The following ENKUR variants were observed in gnomAD, a reference collection of about 807,000 sequenced individuals.
The protein encoded by ENKUR is enkurin, TRPC channel interacting protein, also known as enkurin.
A neutral mutation model predicts 27.6 loss-of-function variants in ENKUR; 19 were observed. That is an observed-to-expected ratio of 0.69 (90% confidence interval 0.48 to 1.01). The LOEUF (loss-of-function observed/expected upper bound fraction) is 1.01. Ranked by LOEUF, ENKUR falls within the 50% of genes least tolerant of loss-of-function variation. ENKUR has a pLI of 0.00. For synonymous variants in ENKUR, 117 were observed against 96.9 expected (o/e 1.21, Z -1.22); for missense variants, 312 against 310.5 (o/e 1.00, Z -0.04).
At chr10:25,025,131 G>T in intron 2 of ENKUR, 1 of 1,614,118 alleles carries the variant, frequency 6.2e-7, no homozygotes. Flanking sequence ...ATACTTCAGG[G>T]TATATTTTGG....
chr10:25,023,829 C>A (rs1213309785), intron 2 of ENKUR: 1 of 1,614,174 alleles, frequency 6.2e-7, no homozygotes, highest in Non-Finnish European at 8.5e-7. Context: ...CTCGTGTTTT[C>A]TGTGAAAGTG....
In ENKUR at chr10:25,041,164, C is replaced by T. The variant is rs573097777; in HGVS notation, c.37+19948G>A. Among the ~76,000 whole-genome samples, 6 of 152,198 alleles carry T rather than the reference C, an allele frequency of 3.9e-5. No homozygotes were observed. In the South Asian group the frequency reaches 8.3e-4, roughly 21 times the overall value. ...AGCAGTGGAATTCTAAGATAAAGGGCGTGAATGTTTAAAATTTTTCATGCT... is the reference window on the plus strand; with the variant it reads ...AGCAGTGGAATTCTAAGATAAAGGGTGTGAATGTTTAAAATTTTTCATGCT... On this transcript the variant is annotated intron_variant, in intron 2 of 5. Coordinates refer to the ENKUR transcript ENST00000615958.
intron 2 of ENKUR, among the ~76,000 whole-genome samples, chr10:25,031,860 G>C (rs1411818760): frequency 6.8e-6 from 1 of 148,102 alleles, no homozygotes; most frequent in Non-Finnish European, 1.5e-5. Context: ...TTCCTGTAGA[G>C]ATGGGATTTT....
In ENKUR at chr10:24,995,857, TC is replaced by T; in HGVS notation, c.235del (p.Asp79IlefsTer12). On this transcript the variant is annotated frameshift_variant, in exon 3 of 6. Transcript: ENST00000331161. LOFTEE classifies it high-confidence loss of function. ...AGCAGGCTTTTTGGGCACGTTCCGA[TC>T]AAAGTTTTTTTCTGTTAAATATAAC... ...EKTLPPKKNFDRNVPKKPAVP... is the reference protein window; with the variant it reads ...EKTLPPKKNFXRNVPKKPAVP... The T allele has an allele frequency of 6.2e-7, 1 of 1,603,704 alleles. No individual in the cohort carries two copies. Among genetic ancestry groups the T allele is most frequent in the East Asian group, 2.2e-5 (1 of 44,806 alleles).
At chr10:24,999,365 C>CTT (rs779303948) in intron 2 of ENKUR, 36 bp downstream of exon 2, 4 of 1,565,250 alleles carry the variant, frequency 2.6e-6, no homozygotes, top group Non-Finnish European at 2.6e-6. Flanking sequence ...CCTGCTAATG[C>CTT]TTTTAATATT....
chr10:25,059,929 T>TG (rs1476265022), intron 2 of ENKUR, among the ~76,000 whole-genome samples: 1 of 152,126 alleles, frequency 6.6e-6, no homozygotes, highest in Non-Finnish European at 1.5e-5. Context: ...CTGGATGAAT[T>TG]GGAGTTGGTT....
chr10:25,027,654 C>T (rs138770391), intron 2 of ENKUR, among the ~76,000 whole-genome samples: 4 of 151,796 alleles, frequency 2.6e-5, no homozygotes, highest in African/African-American at 7.2e-5. Context: ...TTTGGGAGGC[C>T]GAGGAGGGTG....
chr10:25,032,129 A>G (rs1850941665), intron 2 of ENKUR, among the ~76,000 whole-genome samples: 1 of 152,182 alleles, frequency 6.6e-6, no homozygotes, highest in African/African-American at 2.4e-5. Context: ...TTAATTTTCA[A>G]GTAGCAAGAA....
intron 1 of ENKUR, among the ~76,000 whole-genome samples, chr10:25,008,343 G>A (rs1850362317): frequency 6.6e-6 from 1 of 152,168 alleles, no homozygotes; most frequent in Non-Finnish European, 1.5e-5. Flanking sequence ...GCTGTAATTA[G>A]TTAGCAAAGT....
chr10:24,990,318 T>C (rs1849897283), intron 4 of ENKUR, 145 bp downstream of exon 4: 1 of 987,870 alleles, frequency 1.0e-6, no homozygotes, highest in Non-Finnish European at 1.4e-6. Context: ...TCAGCTTTGC[T>C]GTATGTAGTT....
intron 2 of ENKUR, among the ~76,000 whole-genome samples, chr10:25,044,214 G>A (rs1487398517): frequency 6.6e-6 from 1 of 152,116 alleles, no homozygotes; most frequent in Non-Finnish European, 1.5e-5. Flanking sequence ...AGAATGTTAA[G>A]TTCCATTCTA....
chr10:25,038,873 T>G (rs1851034159), intron 2 of ENKUR, among the ~76,000 whole-genome samples: 1 of 152,232 alleles, frequency 6.6e-6, no homozygotes, highest in African/African-American at 2.4e-5. Flanking sequence ...GTTGCTTATT[T>G]AGGACTTGGA....
At chr10:25,000,504 G>T (rs2132697622) in intron 1 of ENKUR, among the ~76,000 whole-genome samples, 1 of 152,180 alleles carries the variant, frequency 6.6e-6, no homozygotes, top group East Asian at 1.9e-4. Flanking sequence ...GTTTGTAGGT[G>T]CATAGCATTT....
intron 2 of ENKUR, among the ~76,000 whole-genome samples, chr10:25,058,199 T>TTTGTTGTTG (rs958253267): frequency 1.3e-5 from 2 of 151,894 alleles, no homozygotes; most frequent in Non-Finnish European, 2.9e-5. Flanking sequence ...TTTTGGTGTT[T>TTTGTTGTTG]TTGTTGTTGT....
At chr10:24,995,006 A>G (rs73608210) in intron 3 of ENKUR, among the ~76,000 whole-genome samples, 5,602 of 152,216 alleles carry the variant, frequency 0.037, 246 homozygotes, top group African/African-American at 0.11. Flanking sequence ...GGGAAACAGC[A>G]TGAGAATATG....
chr10:24,989,508 C>T (rs1235710571), intron 4 of ENKUR, among the ~76,000 whole-genome samples: 1 of 152,222 alleles, frequency 6.6e-6, no homozygotes, highest in Non-Finnish European at 1.5e-5. Flanking sequence ...GAGCTGCACA[C>T]ATACACATAT....
intron 2 of ENKUR, among the ~76,000 whole-genome samples, chr10:25,034,845 A>G (rs1350985946): frequency 1.3e-5 from 2 of 152,208 alleles, no homozygotes; most frequent in Non-Finnish European, 2.9e-5. Flanking sequence ...GCTGTTGCCT[A>G]CTATGAAGAA....
intron 2 of ENKUR, chr10:25,023,308 G>T (rs775381354): frequency 6.2e-7 from 1 of 1,614,134 alleles, no homozygotes; most frequent in South Asian, 1.1e-5. Context: ...GGATAAACAT[G>T]CACAGCGATT....
At chr10:24,998,278 CT>C (rs1329517287) in intron 2 of ENKUR, among the ~76,000 whole-genome samples, 2 of 149,564 alleles carry the variant, frequency 1.3e-5, no homozygotes, top group Non-Finnish European at 3.0e-5. Context: ...TTTCTTTTTT[CT>C]TTTCTTTTCT....
Sources: allele counts gnomAD v4.1 joint callset (sites outside exome capture counted in the v4.1 genomes callset), GRCh38; gene constraint gnomAD v4.1.1; transcripts MANE v1.5; gene names NCBI Gene and HGNC (gene_info 2026-07-23, HGNC 2026-07-21).